DLG2: variants seen among roughly 807,000 people sequenced by gnomAD.
The protein encoded by DLG2 is disks large homolog 2.
In DLG2, 45 loss-of-function variants were observed where a neutral mutation model predicts 132.5. That is an observed-to-expected ratio of 0.34 (90% CI 0.27 to 0.44). The LOEUF (loss-of-function observed/expected upper bound fraction) is 0.44. Ranked by LOEUF, DLG2 falls within the 20% of genes least tolerant of loss-of-function variation. The pLI, the probability that DLG2 is intolerant of heterozygous loss-of-function variation, is 1.00. For missense variants in DLG2, 1,045 were observed against 1,196.9 expected (o/e 0.87, Z 1.87); for synonymous variants, 424 against 419.6 (o/e 1.01, Z -0.13).
chr11:83,696,628 T>G (rs2081996520), intron 18 of DLG2, among the ~76,000 whole-genome samples: 2 of 152,182 alleles, frequency 1.3e-5, no homozygotes, highest in Admixed American at 1.3e-4. Flanking sequence ...CATAATCTAC[T>G]ATAGATATAA....
At chr11:84,444,867 A>G (rs1246108824) in intron 7 of DLG2, among the ~76,000 whole-genome samples, 1 of 151,312 alleles carries the variant, frequency 6.6e-6, no homozygotes, top group Non-Finnish European at 1.5e-5. Context: ...TGCAATGGCA[A>G]TCTCGGCTCA....
rs1259390711 is a variant in DLG2 at position 83,846,166 on chromosome 11, G to A, written c.1566-12396C>T. 2.6e-5 allele frequency among the ~76,000 whole-genome samples: 4 copies of A among 152,226 alleles called. No individual in the cohort carries two copies. The East Asian group carries it at 7.7e-4, about 29-fold the overall frequency. ...TGGGTAGAAATTAGGAAAGTGGAAA[G>A]GAAAGTAGAGGGTATTTCCGTACAT... is the stretch of plus-strand genomic sequence containing the variant. On this transcript the variant is annotated intron_variant, in intron 16 of 27. Coordinates refer to ENST00000376104, the MANE Select transcript of DLG2 (RefSeq NM_001142699.3).
At chr11:83,757,302 A>G (rs1402591926) in intron 18 of DLG2, among the ~76,000 whole-genome samples, 1 of 152,192 alleles carries the variant, frequency 6.6e-6, no homozygotes, top group African/African-American at 2.4e-5. Context: ...TTACTGACTG[A>G]GTAACAGTGA....
At chr11:83,852,243 C>T (rs1410061448) in intron 16 of DLG2, among the ~76,000 whole-genome samples, 1 of 152,136 alleles carries the variant, frequency 6.6e-6, no homozygotes, top group Non-Finnish European at 1.5e-5. Context: ...GCTACGTGAG[C>T]CAATGCACAA....
chr11:84,495,416 T>C (rs1326792124), intron 7 of DLG2, among the ~76,000 whole-genome samples: 1 of 152,132 alleles, frequency 6.6e-6, no homozygotes, highest in Non-Finnish European at 1.5e-5. Flanking sequence ...CCCCTTTTTT[T>C]GCCTTATTTT....
intron 18 of DLG2, among the ~76,000 whole-genome samples, chr11:83,780,054 C>A (rs149112593): frequency 6.6e-6 from 1 of 152,208 alleles, no homozygotes; most frequent in African/African-American, 2.4e-5. Context: ...CTTTAAAAAT[C>A]TTTCCTGGGT....
chr11:84,530,966 C>T (rs1399148898), intron 7 of DLG2, among the ~76,000 whole-genome samples: 2 of 151,862 alleles, frequency 1.3e-5, no homozygotes, highest in South Asian at 2.1e-4. Context: ...GAGGCCAAGG[C>T]GGGAGGATCA....
chr11:85,284,494 A>G lies in DLG2; in HGVS notation c.186+726T>C, dbSNP rs868701701. 3.3e-5 allele frequency among the ~76,000 whole-genome samples: 5 copies of G among 151,874 alleles called. No individual in the cohort carries two copies. The South Asian group carries it at 1.0e-3, about 31-fold the overall frequency. Reference sequence around the variant, plus strand: ...ATCTTGAAAAATAGTGTGTGTGGGTATGTACTATTACCTCCCTTCAAAGTA... The same window carrying G: ...ATCTTGAAAAATAGTGTGTGTGGGTGTGTACTATTACCTCCCTTCAAAGTA... On this transcript the variant is annotated intron_variant, in intron 4 of 27. Transcript: ENST00000376104.
intron 18 of DLG2, among the ~76,000 whole-genome samples, chr11:83,690,895 C>T (rs2080873995): frequency 6.6e-6 from 1 of 152,304 alleles, no homozygotes; most frequent in Non-Finnish European, 1.5e-5. Context: ...ATCACAGCTA[C>T]ATCCATTTAT....
At chr11:83,831,110 TG>T (rs2054369948) in intron 17 of DLG2, among the ~76,000 whole-genome samples, 3 of 152,168 alleles carry the variant, frequency 2.0e-5, no homozygotes, top group East Asian at 3.8e-4. Context: ...TGCCAGGCAT[TG>T]TGCTAAATAT....
At chr11:84,834,730 A>G (rs1238587992) in intron 6 of DLG2, among the ~76,000 whole-genome samples, 5 of 151,172 alleles carry the variant, frequency 3.3e-5, no homozygotes, top group Non-Finnish European at 5.9e-5. Flanking sequence ...GAGCTGCTGT[A>G]AGATACACTG....
At chr11:83,517,165 C>G (rs980687479) in intron 21 of DLG2, among the ~76,000 whole-genome samples, 50 of 152,312 alleles carry the variant, frequency 3.3e-4, no homozygotes, top group African/African-American at 1.2e-3. Flanking sequence ...GTACACCAAT[C>G]AGATGTAGAT....
At chr11:85,440,530 A>C (rs1172092898) in intron 3 of DLG2, among the ~76,000 whole-genome samples, 1 of 152,216 alleles carries the variant, frequency 6.6e-6, no homozygotes, top group Non-Finnish European at 1.5e-5. Context: ...TGAAGTTTAG[A>C]GTACAGAAGC....
At chr11:84,780,772 C>A (rs375412344) in intron 6 of DLG2, among the ~76,000 whole-genome samples, 8 of 152,166 alleles carry the variant, frequency 5.3e-5, no homozygotes, top group African/African-American at 1.9e-4. Flanking sequence ...CATTTAGTAA[C>A]AAATGATACT....
chr11:85,167,665 C>G (rs758783241), intron 4 of DLG2, among the ~76,000 whole-genome samples: 7 of 152,120 alleles, frequency 4.6e-5, no homozygotes, highest in Non-Finnish European at 8.8e-5. Flanking sequence ...TTCTGCATGG[C>G]TGCCCACTCT....
intron 18 of DLG2, among the ~76,000 whole-genome samples, chr11:83,723,736 G>A (rs2089305438): frequency 6.6e-6 from 1 of 151,842 alleles, no homozygotes; most frequent in Non-Finnish European, 1.5e-5. Context: ...CATGGCTGTA[G>A]TCTCAGCTAC....
intron 6 of DLG2, among the ~76,000 whole-genome samples, chr11:84,996,299 ATTTTTCCTCT>A (rs1387650830): frequency 6.6e-6 from 1 of 151,804 alleles, no homozygotes; most frequent in Non-Finnish European, 1.5e-5. Context: ...AATTCCACTG[ATTTTTCCTCT>A]TTTTTCCTCT....
chr11:83,576,812 C>A (rs1488029067), intron 19 of DLG2, among the ~76,000 whole-genome samples: 1 of 152,106 alleles, frequency 6.6e-6, no homozygotes, highest in Non-Finnish European at 1.5e-5. Context: ...TGAAATGACA[C>A]CTAATGGAAG....
At chr11:84,992,665 A>G (rs1395286536) in intron 6 of DLG2, among the ~76,000 whole-genome samples, 1 of 152,138 alleles carries the variant, frequency 6.6e-6, no homozygotes, top group South Asian at 2.1e-4. Flanking sequence ...GCTTTTTTTC[A>G]TATGTTTGTT....
Sources: gnomAD v4.1 joint callset for allele counts (sites outside exome capture counted in the v4.1 genomes callset) on GRCh38, gnomAD v4.1.1 for gene constraint, MANE v1.5 for transcripts, NCBI Gene and HGNC (gene_info 2026-07-23, HGNC 2026-07-21) for gene names.